Variants in PCDHGA8 observed in about 807,000 individuals in gnomAD.
The protein encoded by PCDHGA8 is protocadherin gamma-A8.
PCDHGA8 carries 45 observed loss-of-function variants against 59.2 expected under a neutral mutation model. That is an observed-to-expected ratio of 0.76 (90% CI 0.60 to 0.98). The LOEUF is 0.98. Ranked by LOEUF, PCDHGA8 falls within the 50% of genes least tolerant of loss-of-function variation. The pLI, the probability that PCDHGA8 is intolerant of heterozygous loss-of-function variation, is 0.00. For synonymous variants in PCDHGA8, 531 were observed against 519.0 expected (o/e 1.02, Z -0.32); for missense variants, 1,257 against 1,196.2 (o/e 1.05, Z -0.75).
intron 1 of PCDHGA8, among the ~76,000 whole-genome samples, chr5:141,482,554 A>T (rs997707871): frequency 4.1e-5 from 6 of 146,884 alleles, no homozygotes; most frequent in Non-Finnish European, 6.0e-5. Flanking sequence ...AAAAAAGATA[A>T]TGGAGATCTG....
chr5:141,398,183 T>C, intron 1 of PCDHGA8: 1 of 1,477,856 alleles, frequency 6.8e-7, no homozygotes, highest in South Asian at 1.4e-5. Flanking sequence ...GTGCTCTTTC[T>C]CTTCCTGCTG....
intron 1 of PCDHGA8, chr5:141,408,797 C>A (rs965305130): frequency 6.2e-7 from 1 of 1,612,958 alleles, no homozygotes; most frequent in African/African-American, 1.3e-5. Context: ...TCTGGAGAAA[C>A]TCCTAGACCG....
At position 141,395,009 on chromosome 5, in the gene PCDHGA8, G is replaced by A. The variant is rs371216255; in HGVS notation, c.2196G>A (p.Leu732=). 168 of 1,613,918 alleles carry A rather than the reference G, an allele frequency of 1.0e-4. No individual in the cohort carries two copies. Among genetic ancestry groups the A allele is most frequent in the Non-Finnish European group, 1.4e-4 (166 of 1,179,942 alleles). ...SRLLQDSGGR[L]VGVPASHFVG... ...TGCTCCAGGATTCCGGTGGCAGATT[G>A]GTAGGCGTGCCTGCCTCACATTTTG... Residue 732 remains leucine, a synonymous_variant, in exon 1 of 4, where the codon TTG becomes TTA. Transcript: ENST00000398604.
chr5:141,439,065 C>T (rs571768018), intron 1 of PCDHGA8, among the ~76,000 whole-genome samples: 13 of 151,628 alleles, frequency 8.6e-5, no homozygotes, highest in East Asian at 7.9e-4. Flanking sequence ...GTGTGGCAGG[C>T]GCCTGTAATC....
rs1000935525 is a variant in PCDHGA8 at position 141,512,962 on chromosome 5, G to A, written c.*1789G>A. The A allele has an allele frequency of 1.3e-5, 2 of 152,030 alleles. No individual in the cohort carries two copies. The highest frequency in any genetic ancestry group is 4.8e-5 in the African/African-American group (2 of 41,366). The allele number at this position is 152,030 out of a possible 1,614,324, so 9.4% of individuals were successfully genotyped here. ...TTCTTCGACAAAAAAATAATAAAACGTTTCTTCTGAAAAGCTGAACGTTTC... is the reference window on the plus strand; with the variant it reads ...TTCTTCGACAAAAAAATAATAAAACATTTCTTCTGAAAAGCTGAACGTTTC... On this transcript the variant is annotated 3_prime_UTR_variant, in exon 4 of 4. Transcript: ENST00000398604.
rs149553852 is a variant in PCDHGA8 at position 141,415,009 on chromosome 5, C to G, written c.2424+19772C>G. 3.1e-6 allele frequency: 5 copies of G among 1,613,544 alleles called. No homozygotes were observed. The East Asian group carries it at 1.1e-4, about 36-fold the overall frequency. On this transcript the variant is annotated intron_variant, in intron 1 of 3. Transcript: ENST00000398604. The stretch of plus-strand genomic sequence containing the variant: ...CCAGAACGCCTGGCTGTCCTACCGT[C>G]TGCTCAAGGCCAGCGAGCCGGGACT...
chr5:141,418,151 G>T, intron 1 of PCDHGA8: 1 of 1,614,108 alleles, frequency 6.2e-7, no homozygotes, highest in Non-Finnish European at 8.5e-7. Flanking sequence ...AATATGCAAA[G>T]AGAGAAGAAG....
chr5:141,413,533 C>G, intron 1 of PCDHGA8: 1 of 1,613,934 alleles, frequency 6.2e-7, no homozygotes, highest in Non-Finnish European at 8.5e-7. Flanking sequence ...CAGGGTGAAA[C>G]TTTTTGGGAT....
intron 3 of PCDHGA8, among the ~76,000 whole-genome samples, chr5:141,506,444 CAAAAAAAAAA>C (rs1219684339): frequency 8.4e-5 from 8 of 95,030 alleles, no homozygotes; most frequent in Non-Finnish European, 1.3e-4. Context: ...CGCTCTGTCT[CAAAAAAAAAA>C]AAAAAAAAAA....
chr5:141,400,343 A>G, intron 1 of PCDHGA8: 1 of 1,614,026 alleles, frequency 6.2e-7, no homozygotes, highest in South Asian at 1.1e-5. Context: ...CCCCCCAACT[A>G]CAGTCAGGGG....
chr5:141,431,709 T>A lies in PCDHGA8; in HGVS notation c.2424+36472T>A. 6.2e-7 allele frequency: 1 copy of A among 1,614,168 alleles called. No individual in the cohort carries two copies. Among genetic ancestry groups the A allele is most frequent in the Non-Finnish European group, 8.5e-7 (1 of 1,180,018 alleles). ...CACGAGGAGTCAGGATTCTACCAGA[T>A]GGAAGTGCAAGCAATGGATAATGCA... On this transcript the variant is annotated intron_variant, in intron 1 of 3. Coordinates refer to ENST00000398604, the MANE Select transcript of PCDHGA8 (RefSeq NM_032088.2). This position sits in a 1 kb window ranked among gnomAD's most constrained non-coding sequence, Gnocchi z 4.8.
In PCDHGA8 at chr5:141,485,178, T is replaced by A; in HGVS notation, c.2425-9629T>A. The stretch of plus-strand genomic sequence containing the variant: ...GAGAATTAGCGGGCGGCAGCAATGC[T>A]CCGCAAGGTGAGAAGCTGGACAGAA... On this transcript the variant is annotated intron_variant, in intron 1 of 3. Transcript: ENST00000398604. This position sits in a 1 kb window ranked among gnomAD's most constrained non-coding sequence, Gnocchi z 5.7. 1.2e-6 allele frequency: 2 copies of A among 1,612,400 alleles called. No homozygotes were observed. Among genetic ancestry groups the A allele is most frequent in the Non-Finnish European group, 1.7e-6 (2 of 1,178,628 alleles).
At chr5:141,458,728 T>A (rs1010109573) in intron 1 of PCDHGA8, among the ~76,000 whole-genome samples, 1 of 151,870 alleles carries the variant, frequency 6.6e-6, no homozygotes, top group Non-Finnish European at 1.5e-5. Context: ...CGCCACCACA[T>A]CCAGCTATTG....
intron 1 of PCDHGA8, among the ~76,000 whole-genome samples, chr5:141,456,572 C>T (rs958661783): frequency 6.6e-6 from 1 of 152,168 alleles, no homozygotes; most frequent in Non-Finnish European, 1.5e-5. Flanking sequence ...CCACATTTTC[C>T]CTGAGCCTGT....
chr5:141,429,631 G>A (rs1272926056), intron 1 of PCDHGA8, among the ~76,000 whole-genome samples: 1 of 152,132 alleles, frequency 6.6e-6, no homozygotes, highest in Non-Finnish European at 1.5e-5. Context: ...TTTTCTCACA[G>A]CTACCTATAT....
rs376661062 is a variant in PCDHGA8, at chr5:141,432,185, G to T, written c.2424+36948G>T. 6.2e-6 allele frequency: 10 copies of T among 1,613,956 alleles called. No individual in the cohort carries two copies. The highest frequency in any genetic ancestry group is 8.5e-6 in the Non-Finnish European group (10 of 1,180,030). ...AGGAGTTTCCCTCGTCTCTGTGACC[G>T]CCCACGACCCCGACTGTGAAGAGAA... On this transcript the variant is annotated intron_variant, in intron 1 of 3. Coordinates refer to ENST00000398604, the MANE Select transcript of PCDHGA8 (RefSeq NM_032088.2). The surrounding 1 kb of genome is among the most constrained non-coding windows in gnomAD (Gnocchi z 6.0).
At chr5:141,427,707 T>C in intron 1 of PCDHGA8, 1 of 1,011,828 alleles carries the variant, frequency 9.9e-7, no homozygotes, top group Non-Finnish European at 1.5e-6. Context: ...AGTCAGCGCC[T>C]CTGACCTGGA....
In PCDHGA8 at chr5:141,491,341, G is replaced by C. The variant is rs775712620; in HGVS notation, c.2425-3466G>C. ...TTACCTCATTGTGGCTCTAGCGACC[G>C]TCAGTCTCTTATCCCTAGTCACCTT... On this transcript the variant is annotated intron_variant, in intron 1 of 3. Transcript: ENST00000398604. This position sits in a 1 kb window ranked among gnomAD's most constrained non-coding sequence, Gnocchi z 6.9. 10 of 1,614,100 alleles carry C rather than the reference G, an allele frequency of 6.2e-6. No homozygotes were observed. In the East Asian group the frequency reaches 8.9e-5, roughly 14 times the overall value.
chr5:141,423,330 C>T (rs932335651), intron 1 of PCDHGA8: 2 of 1,614,174 alleles, frequency 1.2e-6, no homozygotes, highest in Non-Finnish European at 1.7e-6. Flanking sequence ...TGGCCGCAGT[C>T]TCCTGCATCT....
Sources: allele counts gnomAD v4.1 joint callset (sites outside exome capture counted in the v4.1 genomes callset), GRCh38; gene constraint gnomAD v4.1.1; non-coding constraint Gnocchi (gnomAD v3.1); transcripts MANE v1.5; gene names NCBI Gene and HGNC (gene_info 2026-07-23, HGNC 2026-07-21).